SLC24A1: variants seen among roughly 807,000 people sequenced by gnomAD.
SLC24A1 encodes the protein sodium/potassium/calcium exchanger 1.
In SLC24A1, 52 loss-of-function variants were observed where a neutral mutation model predicts 88.1. The ratio of observed to expected loss-of-function variants is 0.59; its 90% CI spans 0.47 to 0.74. SLC24A1 has a LOEUF of 0.74. Ranked by LOEUF, SLC24A1 falls within the 30% of genes least tolerant of loss-of-function variation. The pLI is 0.00. For synonymous variants in SLC24A1, 455 were observed against 498.0 expected (o/e 0.91, Z 1.15); for missense variants, 1,173 against 1,363.3 (o/e 0.86, Z 2.20).
At chr15:65,619,304 G>A (rs1482235943), upstream of SLC24A1, among the ~76,000 whole-genome samples, 1 of 152,078 alleles carries the variant, frequency 6.6e-6, no homozygotes, top group Non-Finnish European at 1.5e-5. Context: ...CTTTATTAGA[G>A]GTTGCAAAGC....
intron 8 of SLC24A1, chr15:65,652,082 T>G (rs1191699407): frequency 2.4e-5 from 9 of 379,734 alleles, no homozygotes; most frequent in Admixed American, 3.8e-5. Context: ...CTACGCATTC[T>G]GAGAGCCAGC....
chr15:65,644,612 C>T (rs1351276521), intron 5 of SLC24A1, 99 bp downstream of exon 5: 2 of 786,206 alleles, frequency 2.5e-6, no homozygotes, highest in Admixed American at 2.2e-5. Context: ...AGGCCAGGGG[C>T]TGAGGCACAT....
chr15:65,642,142 A>C (rs2075149735), intron 4 of SLC24A1, among the ~76,000 whole-genome samples: 1 of 152,118 alleles, frequency 6.6e-6, no homozygotes, highest in African/African-American at 2.4e-5. Flanking sequence ...AGGGGTGGGG[A>C]CCATGCAGGG....
chr15:65,638,009 C>A (rs1318731240), intron 2 of SLC24A1, 119 bp from the exon 3 acceptor site: 11 of 734,282 alleles, frequency 1.5e-5, no homozygotes, highest in Non-Finnish European at 2.7e-5. Flanking sequence ...TTTTCTGAGA[C>A]CAGGTTATCT....
downstream of SLC24A1, among the ~76,000 whole-genome samples, chr15:65,657,470 T>C (rs1262852528): frequency 6.6e-6 from 1 of 151,574 alleles, no homozygotes; most frequent in Non-Finnish European, 1.5e-5. Flanking sequence ...TGAAACCCCG[T>C]CTCTACTAAA....
At chr15:65,660,425 A>G, downstream of SLC24A1, 1 of 810,798 alleles carries the variant, frequency 1.2e-6, no homozygotes, top group South Asian at 1.7e-5. Context: ...CTGGCTTTAT[A>G]CACCTAATTT....
rs114505544 is a variant in SLC24A1 at position 65,635,131 on chromosome 15, C to T, written c.1891-2997C>T. On this transcript the variant is annotated intron_variant, in intron 2 of 9. Transcript: ENST00000261892. ...GCAAAGATCAGTCTCTCCTACCCCT[C>T]GGTGTACAGAACCATCCACCCTAGA... is the stretch of plus-strand genomic sequence containing the variant. Among the ~76,000 whole-genome samples, 389 of 152,206 alleles carry T rather than the reference C, an allele frequency of 2.6e-3. 1 individual carries two copies. The highest frequency in any genetic ancestry group is 8.6e-3 in the African/African-American group (358 of 41,548).
rs1596358433 is a variant in SLC24A1, at chr15:65,654,786, A to C, written c.*707A>C. 3 of 1,049,416 alleles carry C rather than the reference A, an allele frequency of 2.9e-6. No homozygotes were observed. Among genetic ancestry groups the C allele is most frequent in the Non-Finnish European group, 3.8e-6 (3 of 783,776 alleles). 65.0% of individuals were successfully genotyped at this position (1,049,416 alleles called of 1,614,324 possible). A position where few individuals can be genotyped will look rare whatever the true frequency, so the allele number is the denominator to read the frequency against. ...AATGGCGTGATCTCGGCACACCACAACCTTCACCTCCCCGGTTCAAGCAAT... is the reference window on the plus strand; with the variant it reads ...AATGGCGTGATCTCGGCACACCACACCCTTCACCTCCCCGGTTCAAGCAAT... On this transcript the variant is annotated 3_prime_UTR_variant, in exon 10 of 10. Transcript: ENST00000261892.
At chr15:65,658,679 G>T (rs1305053324), downstream of SLC24A1, among the ~76,000 whole-genome samples, 1 of 152,104 alleles carries the variant, frequency 6.6e-6, no homozygotes, top group Admixed American at 6.5e-5. Flanking sequence ...CATCATGTCG[G>T]TATTCAAAAA....
intron 6 of SLC24A1, among the ~76,000 whole-genome samples, chr15:65,646,847 A>G (rs1408592017): frequency 6.6e-6 from 1 of 152,234 alleles, no homozygotes; most frequent in African/African-American, 2.4e-5. Context: ...TCAGCGTCTA[A>G]GACAGCTTCA....
Position 65,650,600 on chromosome 15 carries a change from AG to A in SLC24A1, c.2452del (p.Asp818MetfsTer4). On this transcript the variant is annotated frameshift_variant, in exon 7 of 10. Coordinates refer to ENST00000261892, the MANE Select transcript of SLC24A1 (RefSeq NM_004727.3). LOFTEE classifies it high-confidence loss of function. The surrounding 1 kb of genome is among the most constrained non-coding windows in gnomAD (Gnocchi z 4.1). Reference protein sequence around the residue: ...GEDEGEIHAEDGEMKGNEGET... With the variant: ...GEDEGEIHAEXGEMKGNEGET... Reference sequence around the variant, plus strand: ...AAGATGAGGGTGAAATCCACGCAGAAGATGGTGAAATGAAAGGTAATGAAGG... The same window carrying A: ...AAGATGAGGGTGAAATCCACGCAGAAATGGTGAAATGAAAGGTAATGAAGG... 1 of 1,551,990 alleles carries A rather than the reference AG, an allele frequency of 6.4e-7. No homozygotes were observed. Among genetic ancestry groups the A allele is most frequent in the Non-Finnish European group, 8.7e-7 (1 of 1,147,018 alleles).
chr15:65,651,047 C>A, intron 7 of SLC24A1, 105 bp downstream of exon 7: 1 of 947,734 alleles, frequency 1.1e-6, no homozygotes, highest in Non-Finnish European at 1.7e-6. Context: ...CCAGGGACAA[C>A]CAGCTTATCA....
At chr15:65,652,018 G>A (rs916934367) in intron 8 of SLC24A1, 1 of 463,368 alleles carries the variant, frequency 2.2e-6, no homozygotes, top group East Asian at 4.7e-5. Context: ...TGGCTTATTA[G>A]CCTTATTTCC....
chr15:65,656,631 C>A (rs1397301246), downstream of SLC24A1, among the ~76,000 whole-genome samples: 1 of 152,302 alleles, frequency 6.6e-6, no homozygotes, highest in African/African-American at 2.4e-5. Context: ...GTGACAAATT[C>A]TAGGTCATTC....
intron 2 of SLC24A1, among the ~76,000 whole-genome samples, chr15:65,631,821 G>C (rs1005027691): frequency 1.1e-4 from 16 of 152,018 alleles, no homozygotes; most frequent in African/African-American, 3.9e-4. Flanking sequence ...ATCAGATACA[G>C]AGTTTGGATT....
rs114788456 is a variant in SLC24A1 at position 65,633,205 on chromosome 15, G to A, written c.1891-4923G>A. ...AGCTGCATACAGCTGTTGAGCCCTGGAAAGGCGGCTAGTCTGATTCATGAT... is the reference window on the plus strand; with the variant it reads ...AGCTGCATACAGCTGTTGAGCCCTGAAAAGGCGGCTAGTCTGATTCATGAT... On this transcript the variant is annotated intron_variant, in intron 2 of 9. Transcript: ENST00000261892. 3.6e-3 allele frequency among the ~76,000 whole-genome samples: 548 copies of A among 152,346 alleles called. 5 individuals are homozygous for A. The highest frequency in any genetic ancestry group is 0.013 in the African/African-American group (532 of 41,570).
intron 2 of SLC24A1, among the ~76,000 whole-genome samples, chr15:65,631,923 C>T (rs1302892040): frequency 2.0e-5 from 3 of 152,126 alleles, no homozygotes; most frequent in African/African-American, 7.2e-5. Flanking sequence ...CCTCCGCGTC[C>T]CAGGTTCAAG....
At chr15:65,651,044 C>A in intron 7 of SLC24A1, 102 bp downstream of exon 7, 1 of 970,950 alleles carries the variant, frequency 1.0e-6, no homozygotes, top group Non-Finnish European at 1.6e-6. Flanking sequence ...AGGCCAGGGA[C>A]AACCAGCTTA....
chr15:65,624,968 G>A lies in SLC24A1; in HGVS notation c.888G>A (p.Trp296Ter), dbSNP rs2074454389. 6.2e-7 allele frequency: 1 copy of A among 1,608,506 alleles called. No individual in the cohort carries two copies. The highest frequency in any genetic ancestry group is 8.5e-7 in the Non-Finnish European group (1 of 1,177,284). The change falls in exon 2 of 10, where the codon TGG becomes TGA. Residue 296 changes from tryptophan to a stop codon, truncating the protein, a stop_gained. Transcript: ENST00000261892. LOFTEE classifies it high-confidence loss of function. ...AAAGTAACAGCTCAGCCCATCCCTG[G>A]GGGTTAGTGGGAAAGAGCAACCCGA... ...RVESNSSAHP[W>*]GLVGKSNPKT...
Sources: allele counts gnomAD v4.1 joint callset (sites outside exome capture counted in the v4.1 genomes callset), GRCh38; gene constraint gnomAD v4.1.1; non-coding constraint Gnocchi (gnomAD v3.1); transcripts MANE v1.5; gene names NCBI Gene and HGNC (gene_info 2026-07-23, HGNC 2026-07-21).